The following USP24 variants were observed in gnomAD, a reference collection of about 807,000 sequenced individuals.
USP24 encodes the protein ubiquitin specific peptidase 24.
USP24 carries 97 observed loss-of-function variants against 361.6 expected under a neutral mutation model. That is an observed-to-expected ratio of 0.27 (90% CI 0.23 to 0.32). USP24 has a LOEUF of 0.32. Among genes scored for constraint, USP24 ranks in the 10% least tolerant of loss-of-function variants. USP24 has a pLI of 1.00. For missense variants in USP24, 2,353 were observed against 3,165.6 expected (o/e 0.74, Z 6.16); for synonymous variants, 1,098 against 1,124.6 (o/e 0.98, Z 0.47).
At chr1:55,093,790 G>T in intron 52 of USP24, 147 bp downstream of exon 52, 2 of 1,115,486 alleles carry the variant, frequency 1.8e-6, no homozygotes, top group Non-Finnish European at 2.5e-6. Flanking sequence ...CCTCTGTGTC[G>T]TGGCATAAAA....
At chr1:55,091,924 G>T in intron 54 of USP24, 99 bp downstream of exon 54, 1 of 878,428 alleles carries the variant, frequency 1.1e-6, no homozygotes, top group Non-Finnish European at 1.8e-6. Flanking sequence ...AATAAAATTA[G>T]GTAGCTGCTT....
At chr1:55,203,199 A>G (rs1407593622) in intron 1 of USP24, among the ~76,000 whole-genome samples, 1 of 152,230 alleles carries the variant, frequency 6.6e-6, no homozygotes, top group South Asian at 2.1e-4. Flanking sequence ...ACACTAGTGT[A>G]TATCTAACAA....
intron 1 of USP24, among the ~76,000 whole-genome samples, chr1:55,213,730 G>A (rs1453672221): frequency 3.3e-5 from 5 of 152,164 alleles, no homozygotes; most frequent in Admixed American, 1.3e-4. Flanking sequence ...AAGCACTGCT[G>A]CTTCTGGTCG....
At chr1:55,094,318 T>C in intron 51 of USP24, among the ~76,000 whole-genome samples, 1 of 152,184 alleles carries the variant, frequency 6.6e-6, no homozygotes, top group South Asian at 2.1e-4. Context: ...TTATAGAAGA[T>C]AAAATAGTGC....
At chr1:55,185,809 A>C (rs968533781) in intron 1 of USP24, among the ~76,000 whole-genome samples, 1 of 151,644 alleles carries the variant, frequency 6.6e-6, no homozygotes, top group Non-Finnish European at 1.5e-5. Flanking sequence ...GCTCAAGTGA[A>C]CCTCCCAGCT....
chr1:55,153,378 C>G (rs1173218588), intron 16 of USP24, among the ~76,000 whole-genome samples: 1 of 152,210 alleles, frequency 6.6e-6, no homozygotes, highest in Non-Finnish European at 1.5e-5. Context: ...GCAACAGATA[C>G]TCACTGAATG....
chr1:55,153,968 T>G, intron 15 of USP24, 51 bp from the exon 16 acceptor site: 12 of 1,542,042 alleles, frequency 7.8e-6, no homozygotes, highest in Non-Finnish European at 1.1e-5. Context: ...AAGCAATACC[T>G]ATAATTTCCC....
chr1:55,214,207 C>G (rs939343388), intron 1 of USP24, among the ~76,000 whole-genome samples: 4 of 151,932 alleles, frequency 2.6e-5, no homozygotes, highest in South Asian at 4.1e-4. Context: ...AATGCCCCCC[C>G]TTTCCGACCC....
chr1:55,142,593 T>G (rs925720702), intron 23 of USP24, 149 bp downstream of exon 23: 6 of 609,772 alleles, frequency 9.8e-6, no homozygotes, highest in Admixed American at 3.4e-5. Flanking sequence ...CAAACATCTG[T>G]TCCCTATGCC....
Position 55,125,453 on chromosome 1 carries a change from A to G in USP24, c.3827T>C (p.Val1276Ala), listed in dbSNP as rs375190139. The G allele has an allele frequency of 2.5e-6, 4 of 1,613,880 alleles. No individual in the cohort carries two copies. The African/African-American group carries it at 5.3e-5, about 22-fold the overall frequency. ...EALSSRPFRNVSRQTSRQMSL... is the reference protein window; with the variant it reads ...EALSSRPFRNASRQTSRQMSL... The stretch of plus-strand genomic sequence containing the variant: ...CATCTGTCTGCTTGTCTGCCGGCTG[A>G]CATTTCGGAATGGGCGGGAAGAAAG... The change falls in exon 34 of 68, where the codon GTC becomes GCC. Residue 1276 changes from valine to alanine, a missense_variant. Val to Ala is a moderately conservative substitution (Grantham distance 64). This residue lies in a region of USP24 where 949 missense variants were observed against 1,280.5 expected (regional missense o/e 0.74). Coordinates refer to ENST00000294383, the MANE Select transcript of USP24 (RefSeq NM_015306.3).
rs374277857 is a variant in USP24 at position 55,158,985 on chromosome 1, G to A, written c.1120C>T (p.Arg374Cys). 1.8e-4 allele frequency: 289 copies of A among 1,588,894 alleles called. No individual in the cohort carries two copies. Among genetic ancestry groups the A allele is most frequent in the Non-Finnish European group, 2.2e-4 (262 of 1,165,450 alleles). ...LLSAVKLLCM[R>C]FQPDLVTIVD... Reference sequence around the variant, plus strand: ...ATTGTCACCAGATCCGGTTGGAAGCGCATGCAAAGTAACTTAACGGCAGAC... The same window carrying A: ...ATTGTCACCAGATCCGGTTGGAAGCACATGCAAAGTAACTTAACGGCAGAC... The change falls in exon 10 of 68, where the codon CGC (arginine) becomes TGC (cysteine). Residue 374 changes from arginine to cysteine, a missense_variant. Transcript: ENST00000294383.
intron 20 of USP24, among the ~76,000 whole-genome samples, chr1:55,145,716 G>C (rs1280351309): frequency 1.3e-5 from 2 of 151,972 alleles, no homozygotes; most frequent in Non-Finnish European, 2.9e-5. Context: ...TCTATACCTT[G>C]ATACATTTTT....
Position 55,166,985 on chromosome 1 carries a change from C to G in USP24, c.826-382G>C, listed in dbSNP as rs1648933413. On this transcript the variant is annotated intron_variant, in intron 5 of 67. Transcript: ENST00000294383. Reference sequence around the variant, plus strand: ...ATCAGCAGAGATTAAAAGTTTTAGTCCCAGTTAGATCATTAATTAATGCTC... The same window carrying G: ...ATCAGCAGAGATTAAAAGTTTTAGTGCCAGTTAGATCATTAATTAATGCTC... 2.0e-5 allele frequency among the ~76,000 whole-genome samples: 3 copies of G among 152,084 alleles called. No homozygotes were observed. In the South Asian group the frequency reaches 6.2e-4, roughly 32 times the overall value.
intron 1 of USP24, among the ~76,000 whole-genome samples, chr1:55,200,799 T>C (rs1208222662): frequency 3.9e-5 from 6 of 152,352 alleles, no homozygotes; most frequent in African/African-American, 9.6e-5. Flanking sequence ...ACCTAAGTGA[T>C]GTAACAAAAC....
At chr1:55,101,095 T>C in intron 43 of USP24, 131 bp from the exon 44 acceptor site, 1 of 1,079,946 alleles carries the variant, frequency 9.3e-7, no homozygotes, top group South Asian at 1.8e-5. Context: ...GCTATAATGC[T>C]GCAGATATTT....
At chr1:55,108,326 TG>T (rs1645850127) in intron 39 of USP24, among the ~76,000 whole-genome samples, 1 of 152,088 alleles carries the variant, frequency 6.6e-6, no homozygotes, top group Non-Finnish European at 1.5e-5. Context: ...AGTTGAGACT[TG>T]GGAGGGGAGG....
At chr1:55,132,799 T>C (rs1646629459) in intron 30 of USP24, 99 bp from the exon 31 acceptor site, 27 of 1,209,456 alleles carry the variant, frequency 2.2e-5, no homozygotes, top group Non-Finnish European at 2.9e-5. Context: ...CCCTCTTTAA[T>C]ATAAGCCACA....
intron 45 of USP24, 72 bp from the exon 46 acceptor site, chr1:55,098,630 C>T: frequency 8.8e-7 from 1 of 1,133,432 alleles, no homozygotes; most frequent in Non-Finnish European, 1.3e-6. Flanking sequence ...TTTATTAACA[C>T]ATTGCAATTT....
At chr1:55,205,906 T>C (rs1024737200) in intron 1 of USP24, among the ~76,000 whole-genome samples, 5 of 152,188 alleles carry the variant, frequency 3.3e-5, no homozygotes, top group Non-Finnish European at 7.3e-5. Context: ...AGAGGCCCCA[T>C]AGCTCTTAAT....
Sources: allele counts gnomAD v4.1 joint callset (sites outside exome capture counted in the v4.1 genomes callset), GRCh38; gene constraint gnomAD v4.1.1; regional missense constraint gnomAD v4.1.1; transcripts MANE v1.5; gene names NCBI Gene and HGNC (gene_info 2026-07-23, HGNC 2026-07-21).